The following TSFM variants were observed in gnomAD, a reference collection of about 807,000 sequenced individuals.
TSFM encodes elongation factor Ts, mitochondrial.
TSFM carries 29 observed loss-of-function variants against 33.4 expected under a neutral mutation model. The ratio of observed to expected loss-of-function variants is 0.87; its 90% confidence interval spans 0.65 to 1.18. The LOEUF (loss-of-function observed/expected upper bound fraction) is 1.18, where lower values mean the gene tolerates loss of function less well. Ranked by LOEUF, TSFM falls within the 50% of genes most tolerant of loss-of-function variation. The pLI is 0.00. For missense variants in TSFM, 394 were observed against 395.6 expected (o/e 1.00, Z 0.04); for synonymous variants, 178 against 163.5 (o/e 1.09, Z -0.68).
Position 57,796,938 on chromosome 12 carries a change from C to T in TSFM, c.*355C>T, listed in dbSNP as rs1300172516. On this transcript the variant is annotated 3_prime_UTR_variant, in exon 6 of 6. Coordinates refer to ENST00000652027, the MANE Select transcript of TSFM (RefSeq NM_005726.6). ...ACTCTTTTGTTCTGTTTTTGCTTTGCGACACTGTGAACCGTGCTTCTGCCT... is the reference window on the plus strand; with the variant it reads ...ACTCTTTTGTTCTGTTTTTGCTTTGTGACACTGTGAACCGTGCTTCTGCCT... 9.1e-6 allele frequency: 9 copies of T among 992,578 alleles called. No homozygotes were observed. The highest frequency in any genetic ancestry group is 2.2e-4 in the East Asian group (2 of 9,198). 61.5% of individuals were successfully genotyped at this position (992,578 alleles called of 1,614,324 possible). A position where few individuals can be genotyped will look rare whatever the true frequency, so the allele number is the denominator to read the frequency against.
chr12:57,786,817 C>A (rs1437477358), intron 3 of TSFM, among the ~76,000 whole-genome samples: 1 of 152,196 alleles, frequency 6.6e-6, no homozygotes, highest in African/African-American at 2.4e-5. Flanking sequence ...ATTGAACCAT[C>A]TTCTGAATAT....
downstream of TSFM, chr12:57,799,858 T>G: frequency 6.2e-7 from 1 of 1,614,144 alleles, no homozygotes; most frequent in Non-Finnish European, 8.5e-7. Flanking sequence ...ACAGAACTGC[T>G]ATAGGGTAAT....
chr12:57,793,633 A>G (rs1000194361), intron 5 of TSFM, among the ~76,000 whole-genome samples: 2 of 152,164 alleles, frequency 1.3e-5, no homozygotes, highest in Non-Finnish European at 2.9e-5. Context: ...GAATTTCTAA[A>G]TTCCTTAAAA....
Position 57,796,368 on chromosome 12 carries a change from C to T in TSFM, c.763C>T (p.Arg255Cys), listed in dbSNP as rs138408553. ...QKTNLEDVGR[R>C]LGQHVVGMAP... ...AACAAACCTTGAAGACGTTGGCCGC[C>T]GCCTTGGGCAGCATGTGGTGGGCAT... The change falls in exon 6 of 6, where the codon CGC (arginine) becomes TGC (cysteine). Residue 255 changes from arginine to cysteine, a missense_variant. Arg to Cys is a radical substitution (Grantham distance 180). This residue lies in a region of TSFM where 186 missense variants were observed against 198.8 expected (regional missense o/e 0.94). Coordinates refer to ENST00000652027, the MANE Select transcript of TSFM (RefSeq NM_005726.6). 1.6e-5 allele frequency: 25 copies of T among 1,602,894 alleles called. No individual in the cohort carries two copies. Among genetic ancestry groups the T allele is most frequent in the African/African-American group, 1.1e-4 (8 of 74,750 alleles).
intron 5 of TSFM, 87 bp downstream of exon 5, chr12:57,793,160 T>C (rs1346427468): frequency 4.4e-5 from 52 of 1,182,820 alleles, no homozygotes; most frequent in Non-Finnish European, 6.3e-5. Flanking sequence ...TCAAGAATCA[T>C]GTGCCTACAA....
downstream of TSFM, chr12:57,798,006 A>G (rs1955770474): frequency 2.6e-6 from 4 of 1,563,436 alleles, no homozygotes; most frequent in East Asian, 6.9e-5. Flanking sequence ...CTAAGAGAGA[A>G]AACAAAGTTT....
chr12:57,795,352 G>A (rs1955719724), intron 5 of TSFM, among the ~76,000 whole-genome samples: 1 of 151,536 alleles, frequency 6.6e-6, no homozygotes, highest in South Asian at 2.1e-4. Flanking sequence ...TGCCTGCCTC[G>A]GCCTTCCAAA....
chr12:57,783,145 G>A lies in TSFM; in HGVS notation c.93G>A (p.Arg31=). Residue 31 remains arginine (R), a synonymous_variant, in exon 2 of 6, where the codon AGG becomes AGA. Coordinates refer to ENST00000652027, the MANE Select transcript of TSFM (RefSeq NM_005726.6). Reference sequence around the variant, plus strand: ...TTCTGCGTCAGTCGCCCCAGCCAAGGCACACATTTTATGCTGGGCCCCGTC... The same window carrying A: ...TTCTGCGTCAGTCGCCCCAGCCAAGACACACATTTTATGCTGGGCCCCGTC... ...GSLLRQSPQP[R]HTFYAGPRLS... The A allele has an allele frequency of 1.2e-6, 2 of 1,612,480 alleles. No individual in the cohort carries two copies. The highest frequency in any genetic ancestry group is 2.2e-5 in the South Asian group (2 of 91,072).
At chr12:57,783,956 G>A (rs1955553148) in intron 2 of TSFM, 3 of 702,560 alleles carry the variant, frequency 4.3e-6, no homozygotes, top group Admixed American at 2.0e-5. Context: ...TGTAGTTTTT[G>A]CCTGTACGGT....
intron 5 of TSFM, among the ~76,000 whole-genome samples, chr12:57,794,110 C>T (rs1434044772): frequency 6.6e-6 from 1 of 152,094 alleles, no homozygotes; most frequent in African/African-American, 2.4e-5. Context: ...CTTGTATTAT[C>T]TATGATGTTT....
At chr12:57,791,008 A>ATT (rs761448648) in intron 4 of TSFM, among the ~76,000 whole-genome samples, 57 of 132,140 alleles carry the variant, frequency 4.3e-4, no homozygotes, top group African/African-American at 1.4e-3. Flanking sequence ...ACTGGGCCAG[A>ATT]TTTTTTTTTT....
downstream of TSFM, chr12:57,797,772 C>G: frequency 2.2e-6 from 2 of 902,016 alleles, no homozygotes; most frequent in Non-Finnish European, 3.1e-6. Context: ...TCTATTATAT[C>G]TAAATTAAGT....
chr12:57,787,003 A>C (rs1262155690), intron 3 of TSFM, 37 bp from the exon 4 acceptor site: 23 of 1,591,740 alleles, frequency 1.4e-5, no homozygotes, highest in Non-Finnish European at 2.0e-5. Flanking sequence ...AATTATCATT[A>C]AACAGCTTAT....
At chr12:57,786,850 G>C (rs1955597397) in intron 3 of TSFM, among the ~76,000 whole-genome samples, 190 bp from the exon 4 acceptor site, 1 of 152,162 alleles carries the variant, frequency 6.6e-6, no homozygotes, top group East Asian at 1.9e-4. Context: ...TAACTCACTG[G>C]CCCAACATAA....
downstream of TSFM, chr12:57,797,753 T>C: frequency 1.3e-6 from 1 of 761,042 alleles, no homozygotes; most frequent in Non-Finnish European, 1.9e-6. Flanking sequence ...CATGCCGTGA[T>C]TTGCAGACTC....
At chr12:57,785,632 A>G (rs1237600165) in intron 2 of TSFM, among the ~76,000 whole-genome samples, 4 of 152,198 alleles carry the variant, frequency 2.6e-5, no homozygotes, top group African/African-American at 7.2e-5. Flanking sequence ...ACAATAAAGC[A>G]TATGTATTAT....
intron 2 of TSFM, among the ~76,000 whole-genome samples, chr12:57,785,210 G>A (rs1955575196): frequency 6.6e-6 from 1 of 152,126 alleles, no homozygotes; most frequent in Admixed American, 6.5e-5. Context: ...ACAGGCGTGA[G>A]CCACAGCGCC....
chr12:57,793,849 TGAG>T (rs1378019185), intron 5 of TSFM, among the ~76,000 whole-genome samples: 25 of 152,294 alleles, frequency 1.6e-4, no homozygotes, highest in African/African-American at 4.6e-4. Flanking sequence ...GCAGGACAAT[TGAG>T]GAGCATTGTT....
In TSFM at chr12:57,782,814, C is replaced by G; in HGVS notation, c.13C>G (p.Arg5Gly). 1 of 1,592,762 alleles carries G rather than the reference C, an allele frequency of 6.3e-7. No individual in the cohort carries two copies. Among genetic ancestry groups the G allele is most frequent in the Non-Finnish European group, 8.5e-7 (1 of 1,170,514 alleles). Reference protein sequence around the residue: MSLLRSLRVFLVART... With the variant: MSLLGSLRVFLVART... The stretch of plus-strand genomic sequence containing the variant: ...CGCGGCTAGAGAGATGTCGCTGCTG[C>G]GGTCGCTGCGCGTGTTTCTGGTCGC... Residue 5 changes from arginine to glycine, a missense_variant, in exon 1 of 6, where the codon CGG becomes GGG. Arg to Gly is a moderately radical substitution (Grantham distance 125). This residue lies in a region of TSFM where 208 missense variants were observed against 180.4 expected (regional missense o/e 1.15). Transcript: ENST00000652027.
Sources: allele counts gnomAD v4.1 joint callset (sites outside exome capture counted in the v4.1 genomes callset), GRCh38; gene constraint gnomAD v4.1.1; regional missense constraint gnomAD v4.1.1; transcripts MANE v1.5; gene names NCBI Gene and HGNC (gene_info 2026-07-23, HGNC 2026-07-21).